Variants in DHRSX observed in about 807,000 individuals in gnomAD.
DHRSX encodes the protein dehydrogenase/reductase X-linked, also known as polyprenol dehydrogenase.
DHRSX carries 31 observed loss-of-function variants against 34.0 expected under a neutral mutation model. That is an observed-to-expected ratio of 0.91 (90% CI 0.69 to 1.23). The LOEUF (loss-of-function observed/expected upper bound fraction) is 1.23, where lower values mean the gene tolerates loss of function less well. DHRSX is among the 50% of genes most tolerant of loss of function. The pLI, the probability that DHRSX is intolerant of heterozygous loss-of-function variation, is 0.00. For missense variants in DHRSX, 414 were observed against 428.1 expected (o/e 0.97, Z 0.29); for synonymous variants, 201 against 183.8 (o/e 1.09, Z -0.76).
chrX:2,400,567 T>C (rs2043473295), intron 3 of DHRSX, among the ~76,000 whole-genome samples: 1 of 152,176 alleles, frequency 6.6e-6, no homozygotes, highest in South Asian at 2.1e-4. Flanking sequence ...GCCACTGTGT[T>C]TCAGGCACTG....
intron 4 of DHRSX, among the ~76,000 whole-genome samples, chrX:2,275,680 C>T (rs892979677): frequency 6.6e-6 from 1 of 151,712 alleles, no homozygotes; most frequent in African/African-American, 2.4e-5. Flanking sequence ...TTCCAATTTC[C>T]ATTACCATAG....
In DHRSX at chrX:2,480,114, C is replaced by A. The variant is rs772329228; in HGVS notation, c.109+20703G>T. On this transcript the variant is annotated intron_variant, in intron 1 of 6. Coordinates refer to ENST00000334651, the MANE Select transcript of DHRSX (RefSeq NM_145177.3). Reference sequence around the variant, plus strand: ...ACAGTTTCCAAGATATAGAATCAACCCATGTGTCAATCAACAGATGAGCGT... The same window carrying A: ...ACAGTTTCCAAGATATAGAATCAACACATGTGTCAATCAACAGATGAGCGT... 7.0e-4 allele frequency among the ~76,000 whole-genome samples: 106 copies of A among 152,120 alleles called. 1 individual carries two copies. Among genetic ancestry groups the A allele is most frequent in the African/African-American group, 2.5e-3 (104 of 41,526 alleles).
At chrX:2,345,990 A>C (rs1302401626) in intron 3 of DHRSX, among the ~76,000 whole-genome samples, 1 of 152,192 alleles carries the variant, frequency 6.6e-6, no homozygotes, top group African/African-American at 2.4e-5. Flanking sequence ...TGACTCAGAC[A>C]CACAGTTCCC....
rs1296069617 is a variant in DHRSX at position 2,449,013 on chromosome X, A to T, written c.110-23709T>A. ...AGACTGGCCTGACCAATATGCTGAA[A>T]CCCCATCTCTACTAAAAATACAAAA... On this transcript the variant is annotated intron_variant, in intron 1 of 6. Coordinates refer to ENST00000334651, the MANE Select transcript of DHRSX (RefSeq NM_145177.3). 2.0e-5 allele frequency among the ~76,000 whole-genome samples: 3 copies of T among 151,970 alleles called. 1 individual carries two copies. Among genetic ancestry groups the T allele is most frequent in the Non-Finnish European group, 4.4e-5 (3 of 67,992 alleles).
At chrX:2,429,604 C>T (rs1469239592) in intron 1 of DHRSX, among the ~76,000 whole-genome samples, 1 of 140,970 alleles carries the variant, frequency 7.1e-6, no homozygotes, top group Non-Finnish European at 1.5e-5. Context: ...TGAGCCACCA[C>T]ACTTGGCTAA....
intron 3 of DHRSX, among the ~76,000 whole-genome samples, chrX:2,333,645 C>G (rs2042511646): frequency 6.6e-6 from 1 of 152,066 alleles, no homozygotes; most frequent in Non-Finnish European, 1.5e-5. Flanking sequence ...GAACTCCTGA[C>G]CTCGTGATCT....
chrX:2,394,857 C>A (rs2043389620), intron 3 of DHRSX, among the ~76,000 whole-genome samples: 1 of 150,354 alleles, frequency 6.7e-6, no homozygotes, highest in African/African-American at 2.4e-5. Context: ...CACAGTGAGA[C>A]TCCGTCTCAT....
intron 6 of DHRSX, among the ~76,000 whole-genome samples, chrX:2,226,024 G>A (rs951749889): frequency 1.3e-5 from 2 of 152,040 alleles, no homozygotes; most frequent in African/African-American, 4.8e-5. Context: ...GCCTCGGGAG[G>A]AGCCCGCCCA....
At chrX:2,340,275 A>G (rs1439333991) in intron 3 of DHRSX, among the ~76,000 whole-genome samples, 1 of 151,996 alleles carries the variant, frequency 6.6e-6, no homozygotes, top group Non-Finnish European at 1.5e-5. Flanking sequence ...CCACCATGGC[A>G]CATGTATACC....
chrX:2,398,935 C>T (rs1432713229), intron 3 of DHRSX, among the ~76,000 whole-genome samples: 2 of 152,142 alleles, frequency 1.3e-5, no homozygotes, highest in Non-Finnish European at 2.9e-5. Flanking sequence ...TCACTGCAAG[C>T]TCCCCCTCCC....
chrX:2,446,461 C>G (rs56817135), intron 1 of DHRSX, among the ~76,000 whole-genome samples: 1 of 133,168 alleles, frequency 7.5e-6, no homozygotes, highest in Non-Finnish European at 1.6e-5. Context: ...ACACTGAAGA[C>G]GGTCTCGAGG....
chrX:2,232,220 C>G (rs1233712276), intron 6 of DHRSX, among the ~76,000 whole-genome samples: 3 of 151,804 alleles, frequency 2.0e-5, no homozygotes, highest in Non-Finnish European at 4.4e-5. Context: ...ACTAGACAAC[C>G]TTCACACTAC....
At chrX:2,381,872 A>C (rs2043208044) in intron 3 of DHRSX, among the ~76,000 whole-genome samples, 2 of 150,944 alleles carry the variant, frequency 1.3e-5, no homozygotes, top group South Asian at 2.1e-4. Flanking sequence ...TTCCAGCCTG[A>C]CAGGTGCATG....
rs1299491896 is a variant in DHRSX at position 2,376,429 on chromosome X, T to A, written c.286+32316A>T. On this transcript the variant is annotated intron_variant, in intron 3 of 6. Transcript: ENST00000334651. ...ATTCAGGTGGCCATGAAGAAAGGCT[T>A]TGAATGACACTCCCAGAACAAGAGC... Among the ~76,000 whole-genome samples the A allele has an allele frequency of 4.4e-5, 6 of 137,314 alleles. 2 individuals are homozygous for A. The highest frequency in any genetic ancestry group is 1.0e-4 in the Non-Finnish European group (6 of 58,120). The allele number at this position is 137,314 out of a possible 152,430, so 90.1% of individuals were successfully genotyped here.
chrX:2,362,150 AC>A (rs1202088169), intron 3 of DHRSX, among the ~76,000 whole-genome samples: 1 of 152,148 alleles, frequency 6.6e-6, no homozygotes, highest in East Asian at 1.9e-4. Flanking sequence ...TGCTGGTGTC[AC>A]TGTTATTTCA....
intron 3 of DHRSX, among the ~76,000 whole-genome samples, chrX:2,332,583 T>C (rs2042493978): frequency 6.6e-6 from 1 of 152,122 alleles, no homozygotes; most frequent in South Asian, 2.1e-4. Context: ...CCCAACTACC[T>C]CTCTCTGGGG....
chrX:2,337,095 C>T (rs1246976317), intron 3 of DHRSX, among the ~76,000 whole-genome samples: 8 of 152,038 alleles, frequency 5.3e-5, no homozygotes, highest in Non-Finnish European at 8.8e-5. Context: ...TGAGCCACCG[C>T]GGCTGACCTT....
At chrX:2,348,360 C>A (rs770304341) in intron 3 of DHRSX, among the ~76,000 whole-genome samples, 2 of 152,136 alleles carry the variant, frequency 1.3e-5, no homozygotes, top group African/African-American at 2.4e-5. Flanking sequence ...TGGGGTCAGT[C>A]GCTTGCAGCC....
At chrX:2,259,218 A>C (rs1182206886) in intron 5 of DHRSX, among the ~76,000 whole-genome samples, 2 of 151,748 alleles carry the variant, frequency 1.3e-5, no homozygotes, top group East Asian at 1.9e-4. Context: ...GGTTGCAGTG[A>C]GCCGAGATCG....
Sources: allele counts gnomAD v4.1 joint callset (sites outside exome capture counted in the v4.1 genomes callset), GRCh38; gene constraint gnomAD v4.1.1; transcripts MANE v1.5; gene names NCBI Gene and HGNC (gene_info 2026-07-23, HGNC 2026-07-21).